Variants in PTGER3 observed in about 807,000 individuals in gnomAD.
The protein encoded by PTGER3 is prostaglandin E2 receptor EP3 subtype.
PTGER3 carries 22 observed loss-of-function variants against 34.7 expected under a neutral mutation model. That is an observed-to-expected ratio of 0.63 (90% CI 0.45 to 0.91). The LOEUF is 0.91. Ranked by LOEUF, PTGER3 falls within the 40% of genes least tolerant of loss-of-function variation. The pLI is 0.00. For missense variants in PTGER3, 468 were observed against 519.4 expected (o/e 0.90, Z 0.96); for synonymous variants, 241 against 230.1 (o/e 1.05, Z -0.43).
At chr1:70,908,632 C>T (rs1646999013) in intron 4 of PTGER3, among the ~76,000 whole-genome samples, 2 of 152,182 alleles carry the variant, frequency 1.3e-5, no homozygotes, top group Non-Finnish European at 2.9e-5. Context: ...GTATTCAGAT[C>T]CTTGTCTCAA....
At chr1:70,974,209 A>G in intron 3 of PTGER3, 88 bp downstream of exon 3, 1 of 1,519,138 alleles carries the variant, frequency 6.6e-7, no homozygotes, top group Non-Finnish European at 8.9e-7. Flanking sequence ...ATTCTCAGAG[A>G]TGGTCTGCCT....
chr1:70,996,546 C>T (rs1175294786), intron 2 of PTGER3, among the ~76,000 whole-genome samples: 3 of 151,862 alleles, frequency 2.0e-5, no homozygotes, highest in Admixed American at 6.6e-5. Context: ...CTGCAAGCTC[C>T]GCCTCGTGGG....
At chr1:70,993,806 T>C (rs1655683692) in intron 2 of PTGER3, among the ~76,000 whole-genome samples, 1 of 152,084 alleles carries the variant, frequency 6.6e-6, no homozygotes, top group East Asian at 1.9e-4. Context: ...ATAAGAAGAA[T>C]TGATGGAGAA....
intron 2 of PTGER3, among the ~76,000 whole-genome samples, chr1:70,954,653 G>C (rs1651128467): frequency 2.0e-5 from 3 of 152,128 alleles, no homozygotes; most frequent in Non-Finnish European, 4.4e-5. Flanking sequence ...CTGATTTCAA[G>C]TTTAATATCC....
intron 1 of PTGER3, among the ~76,000 whole-genome samples, chr1:71,033,505 C>T (rs1659576430): frequency 6.6e-6 from 1 of 152,200 alleles, no homozygotes; most frequent in African/African-American, 2.4e-5. Flanking sequence ...TATTGCCTCT[C>T]TCCTTCCACT....
intron 1 of PTGER3, among the ~76,000 whole-genome samples, chr1:71,022,721 A>T (rs1357796731): frequency 6.6e-6 from 1 of 151,338 alleles, no homozygotes; most frequent in Non-Finnish European, 1.5e-5. Flanking sequence ...ACACACAAAC[A>T]CACATATACA....
intron 2 of PTGER3, among the ~76,000 whole-genome samples, chr1:70,993,595 A>C (rs1448989881): frequency 6.6e-6 from 1 of 152,188 alleles, no homozygotes; most frequent in African/African-American, 2.4e-5. Flanking sequence ...GTCTCTGGAG[A>C]GCTCAGAAGA....
intron 4 of PTGER3, among the ~76,000 whole-genome samples, chr1:70,858,739 T>G (rs1397691930): frequency 6.6e-6 from 1 of 152,210 alleles, no homozygotes; most frequent in African/African-American, 2.4e-5. Flanking sequence ...CCTGTGTTCT[T>G]TCTCTGAGTA....
chr1:70,932,882 C>T (rs978211420), intron 4 of PTGER3, among the ~76,000 whole-genome samples: 4 of 152,128 alleles, frequency 2.6e-5, no homozygotes, highest in African/African-American at 9.7e-5. Flanking sequence ...TTCTAAATTT[C>T]CCTTCTGTAC....
intron 4 of PTGER3, chr1:70,884,104 A>AAAC: frequency 7.6e-6 from 3 of 396,218 alleles, no homozygotes; most frequent in East Asian, 2.1e-4. Flanking sequence ...ACAAACAAAC[A>AAAC]AAAAAGGATC....
chr1:70,899,547 G>A (rs1646792226), intron 4 of PTGER3, among the ~76,000 whole-genome samples: 2 of 152,016 alleles, frequency 1.3e-5, no homozygotes, highest in Admixed American at 6.6e-5. Flanking sequence ...AGAGAGTGAG[G>A]GGTTAGAGGA....
At chr1:70,925,069 A>G (rs1647921444) in intron 4 of PTGER3, among the ~76,000 whole-genome samples, 1 of 152,168 alleles carries the variant, frequency 6.6e-6, no homozygotes, top group Non-Finnish European at 1.5e-5. Context: ...CAGTGGCATG[A>G]TTTCCACTCA....
chr1:70,973,285 G>A (rs897509856), intron 3 of PTGER3, among the ~76,000 whole-genome samples: 4 of 152,002 alleles, frequency 2.6e-5, no homozygotes, highest in African/African-American at 9.7e-5. Flanking sequence ...TACGTAGACA[G>A]ATAGATGTGG....
At chr1:70,976,347 A>G (rs977702241) in intron 2 of PTGER3, among the ~76,000 whole-genome samples, 2 of 152,122 alleles carry the variant, frequency 1.3e-5, no homozygotes, top group South Asian at 2.1e-4. Flanking sequence ...ACTTTGGGTA[A>G]TAATGCGGTG....
intron 4 of PTGER3, among the ~76,000 whole-genome samples, chr1:70,865,339 T>C (rs573579129): frequency 2.6e-5 from 4 of 151,980 alleles, no homozygotes; most frequent in Non-Finnish European, 5.9e-5. Flanking sequence ...CCAGCAGTAG[T>C]GAGGAAGGAT....
intron 2 of PTGER3, chr1:71,011,025 A>G: frequency 1.0e-6 from 1 of 985,774 alleles, no homozygotes; most frequent in Non-Finnish European, 1.2e-6. Context: ...AAATGAATGC[A>G]CCAAAGAATA....
rs532966606 is a variant in PTGER3, at chr1:71,016,717, C to T, written c.898-4233G>A. ...ACTTGGGAGGCTGAAGCAGGAGAAT[C>T]ACTTGAACCTAGGAGGCAGATGTTG... On this transcript the variant is annotated intron_variant, in intron 1 of 3. Transcript: ENST00000306666. 6.8e-4 allele frequency among the ~76,000 whole-genome samples: 103 copies of T among 151,716 alleles called. 1 individual carries two copies. In the South Asian group the frequency reaches 0.021, roughly 31 times the overall value.
intron 2 of PTGER3, among the ~76,000 whole-genome samples, chr1:71,001,713 C>G (rs1656506172): frequency 6.6e-6 from 1 of 152,010 alleles, no homozygotes; most frequent in African/African-American, 2.4e-5. Context: ...AATATCATCC[C>G]CTTATTTTAC....
At chr1:70,862,314 CA>C in intron 4 of PTGER3, 1 of 1,357,906 alleles carries the variant, frequency 7.4e-7, no homozygotes, top group Non-Finnish European at 9.9e-7. Flanking sequence ...CATCTGCTGT[CA>C]AAATAGTTCA....
Sources: gnomAD v4.1 joint callset for allele counts (sites outside exome capture counted in the v4.1 genomes callset) on GRCh38, gnomAD v4.1.1 for gene constraint, MANE v1.5 for transcripts, NCBI Gene and HGNC (gene_info 2026-07-23, HGNC 2026-07-21) for gene names.